The following LRRC37A2 variants were observed in gnomAD, a reference collection of about 807,000 sequenced individuals.
The protein encoded by LRRC37A2 is leucine-rich repeat-containing protein 37A2.
A neutral mutation model predicts 68.8 loss-of-function variants in LRRC37A2; 9 were observed. That is an observed-to-expected ratio of 0.13 (90% CI 0.08 to 0.23). The LOEUF (loss-of-function observed/expected upper bound fraction) is 0.23, where lower values mean the gene tolerates loss of function less well. LRRC37A2 is among the 10% of genes least tolerant of loss of function. The pLI, the probability that LRRC37A2 is intolerant of heterozygous loss-of-function variation, is 1.00. For synonymous variants in LRRC37A2, 63 were observed against 367.6 expected, an observed-to-expected ratio of 0.17 and a Z score of 9.48; for missense variants, 168 against 950.4, an observed-to-expected ratio of 0.18 and a Z score of 10.82.
At chr17:46,833,030 G>T in the LRRC37A2 span, 8 of 291,994 alleles carry the variant, frequency 2.7e-5, no homozygotes, top group Non-Finnish European at 4.7e-5. Context: ...GGCACTTGGG[G>T]ACTGTCCCTG....
At chr17:47,048,232 C>A in the LRRC37A2 span, among the ~76,000 whole-genome samples, 1 of 151,010 alleles carries the variant, frequency 6.6e-6, no homozygotes, top group African/African-American at 2.4e-5. Context: ...CTTCCACTTT[C>A]TCACAATCTT....
chr17:46,922,927 G>T, the LRRC37A2 span: 5 of 568,354 alleles, frequency 8.8e-6, no homozygotes, highest in Non-Finnish European at 1.3e-5. Context: ...ACTGAATCCT[G>T]AGGCTAGCCT....
At chr17:46,869,137 C>T in the LRRC37A2 span, among the ~76,000 whole-genome samples, 1 of 152,128 alleles carries the variant, frequency 6.6e-6, no homozygotes, top group African/African-American at 2.4e-5. Flanking sequence ...GACCAGGGCC[C>T]GGTGTGGCCT....
At chr17:46,893,747 T>C in the LRRC37A2 span, among the ~76,000 whole-genome samples, 57 of 152,162 alleles carry the variant, frequency 3.7e-4, no homozygotes, top group African/African-American at 1.3e-3. Flanking sequence ...TAGAGGAGTC[T>C]AGAAAGATTG....
chr17:46,413,805 T>C, the LRRC37A2 span, among the ~76,000 whole-genome samples: 1 of 99,370 alleles, frequency 1.0e-5, no homozygotes. Flanking sequence ...GGTTTCACCA[T>C]GTTGGCCAGG....
chr17:46,844,305 C>CTTTTTTTTTT, the LRRC37A2 span, among the ~76,000 whole-genome samples: 1 of 127,416 alleles, frequency 7.8e-6, no homozygotes, highest in Non-Finnish European at 1.6e-5. Flanking sequence ...AGTTAGCCAC[C>CTTTTTTTTTT]TTTTTTTTTT....
chr17:46,765,012 T>C, the LRRC37A2 span, among the ~76,000 whole-genome samples: 1 of 152,266 alleles, frequency 6.6e-6, no homozygotes. Flanking sequence ...ACTGTGTTTT[T>C]GTACCGCACC....
At chr17:47,031,280 T>G in the LRRC37A2 span, among the ~76,000 whole-genome samples, 2 of 148,260 alleles carry the variant, frequency 1.3e-5, no homozygotes, top group African/African-American at 4.9e-5. Context: ...AGGTTTTGCA[T>G]TGGGGAAAGG....
chr17:46,824,377 T>C, the LRRC37A2 span, among the ~76,000 whole-genome samples: 2 of 152,252 alleles, frequency 1.3e-5, no homozygotes, highest in South Asian at 4.1e-4. Context: ...GCCTCCCAAG[T>C]AGCTGAGATT....
At chr17:46,931,329 CA>C in the LRRC37A2 span, 1 of 703,214 alleles carries the variant, frequency 1.4e-6, no homozygotes, top group Non-Finnish European at 2.6e-6. Context: ...TATGACTATG[CA>C]AAGAAAAAGC....
At chr17:46,769,222 C>A in the LRRC37A2 span, among the ~76,000 whole-genome samples, 2 of 149,830 alleles carry the variant, frequency 1.3e-5, no homozygotes, top group African/African-American at 2.5e-5. Context: ...AGGTTGAGGC[C>A]GGAGAATTGC....
chr17:46,902,783 C>A, the LRRC37A2 span, among the ~76,000 whole-genome samples: 1 of 152,090 alleles, frequency 6.6e-6, no homozygotes, highest in South Asian at 2.1e-4. Flanking sequence ...TAGAGAGAGC[C>A]CTGGTTTTGA....
the LRRC37A2 span, among the ~76,000 whole-genome samples, chr17:46,829,031 A>G: frequency 5.3e-5 from 8 of 152,366 alleles, no homozygotes; most frequent in East Asian, 5.8e-4. Context: ...AGAGGCTGCA[A>G]CTTGACTGCT....
intron 8 of LRRC37A2, among the ~76,000 whole-genome samples, chr17:46,545,002 C>T (rs1349596412): frequency 1.4e-5 from 2 of 139,882 alleles, no homozygotes; most frequent in African/African-American, 2.7e-5. Context: ...TGTCTGTTTC[C>T]TCATGATGAA....
At chr17:46,810,541 A>G in the LRRC37A2 span, among the ~76,000 whole-genome samples, 1 of 152,186 alleles carries the variant, frequency 6.6e-6, no homozygotes, top group African/African-American at 2.4e-5. Flanking sequence ...GCAAGCAGGC[A>G]GGGCAGGTGG....
chr17:47,008,260 A>G, the LRRC37A2 span, among the ~76,000 whole-genome samples: 11,329 of 149,886 alleles, frequency 0.076, 510 homozygotes, highest in Middle Eastern at 0.12. Context: ...ACAGGCACCC[A>G]CCACCATGCC....
In LRRC37A2 at chr17:46,530,131, T is replaced by C. The variant is rs199961335; in HGVS notation, c.2906+6247T>C. Among the ~76,000 whole-genome samples, 1,048 of 122,536 alleles carry C rather than the reference T, an allele frequency of 8.6e-3. 13 individuals are homozygous for C. The highest frequency in any genetic ancestry group is 0.057 in the East Asian group (108 of 1,882). The allele number at this position is 122,536 out of a possible 152,430, so 80.4% of individuals were successfully genotyped here. On this transcript the variant is annotated intron_variant, in intron 6 of 14. Coordinates refer to ENST00000576629, the Ensembl canonical transcript of LRRC37A2. The stretch of plus-strand genomic sequence containing the variant: ...GGTCTCAAACTCCTGGGCTCAAGCT[T>C]TCCTTCTGCTTTGGCCTCCCAAAGT...
At chr17:46,861,712 A>G in the LRRC37A2 span, among the ~76,000 whole-genome samples, 2 of 152,348 alleles carry the variant, frequency 1.3e-5, no homozygotes, top group African/African-American at 4.8e-5. Flanking sequence ...GAGGAGGGTG[A>G]AGAGTCTTAG....
At chr17:46,826,896 C>T in the LRRC37A2 span, among the ~76,000 whole-genome samples, 3 of 151,776 alleles carry the variant, frequency 2.0e-5, no homozygotes, top group African/African-American at 7.3e-5. Flanking sequence ...TCTGCTGCCT[C>T]AGTCCTCCTA....
Sources: allele counts gnomAD v4.1 joint callset (sites outside exome capture counted in the v4.1 genomes callset), GRCh38; gene constraint gnomAD v4.1.1; transcripts MANE v1.5; gene names NCBI Gene and HGNC (gene_info 2026-07-23, HGNC 2026-07-21).